LY75: variants seen among roughly 807,000 people sequenced by gnomAD.
LY75 encodes lymphocyte antigen 75.
LY75 carries 185 observed loss-of-function variants against 231.7 expected under a neutral mutation model. That is an observed-to-expected ratio of 0.80 (90% CI 0.71 to 0.90). LY75 has a LOEUF of 0.90. Among genes scored for constraint, LY75 ranks in the 40% least tolerant of loss-of-function variants. The pLI is 0.00. For missense variants in LY75, 1,947 were observed against 2,050.2 expected (o/e 0.95, Z 0.97); for synonymous variants, 668 against 689.0 (o/e 0.97, Z 0.48).
rs776358237 is a variant in LY75 at position 159,817,005 on chromosome 2, G to A, written c.4181C>T (p.Thr1394Ile). The A allele has an allele frequency of 1.1e-5, 18 of 1,613,484 alleles. No homozygotes were observed. The highest frequency in any genetic ancestry group is 1.0e-4 in the Admixed American group (6 of 59,958). ...TTCATATGGCATAAACTGTGGCAGT[G>A]TAGTATTATATTCTTCTTTGTAGTC... Reference protein sequence around the residue: ...MVDYKEEYNTTLPQFMPYEDG... With the variant: ...MVDYKEEYNTILPQFMPYEDG... Residue 1394 changes from threonine (T) to isoleucine (I), a missense_variant, in exon 30 of 35, where the codon ACA (threonine) becomes ATA (isoleucine). By Grantham distance (89) the Thr-to-Ile change is moderately conservative (BLOSUM62 -1). Coordinates refer to ENST00000263636, the MANE Select transcript of LY75 (RefSeq NM_002349.4).
chr2:159,851,286 C>T (rs1684392611), intron 21 of LY75, among the ~76,000 whole-genome samples: 1 of 152,120 alleles, frequency 6.6e-6, no homozygotes, highest in African/African-American at 2.4e-5. Context: ...CCCTTTTTCA[C>T]ATTATGATCA....
intron 29 of LY75, among the ~76,000 whole-genome samples, chr2:159,817,860 C>A (rs1377143358): frequency 6.6e-6 from 1 of 152,006 alleles, no homozygotes; most frequent in Non-Finnish European, 1.5e-5. Context: ...CCATCCTGGC[C>A]AACATGGTGA....
intron 12 of LY75, 103 bp downstream of exon 12, chr2:159,875,341 G>A: frequency 6.8e-7 from 1 of 1,462,122 alleles, no homozygotes; most frequent in Non-Finnish European, 9.2e-7. Context: ...ACTTTAGTTA[G>A]GTTACATAGT....
In LY75 at chr2:159,875,579, G is replaced by A. The variant is rs185280343; in HGVS notation, c.1839C>T (p.Asp613=). The change falls in exon 12 of 35, where the codon GAC becomes GAT. Residue 613 remains aspartate, a synonymous_variant. Coordinates refer to ENST00000263636, the MANE Select transcript of LY75 (RefSeq NM_002349.4). The part of the protein sequence containing the change: ...GKSVGKWEVK[D]CRSFKALSIC... ...TTGAAAGTGCTTTGAAGCTTCTGCA[G>A]TCCTTCACCTCCCACTTTCCAACAG... 7.4e-6 allele frequency: 12 copies of A among 1,614,062 alleles called. No homozygotes were observed. The African/African-American group carries it at 1.6e-4, about 22-fold the overall frequency.
chr2:159,895,911 C>A lies in LY75; in HGVS notation c.467-1827G>T, dbSNP rs555628944. 6.6e-5 allele frequency among the ~76,000 whole-genome samples: 10 copies of A among 152,324 alleles called. No individual in the cohort carries two copies. The South Asian group carries it at 2.1e-3, about 32-fold the overall frequency. ...TTTGCTGATGCTGGCCTCTTACACA[C>A]CATGGGCTTCCTTAGCAAGACAGAC... On this transcript the variant is annotated intron_variant, in intron 2 of 34. Transcript: ENST00000263636.
At chr2:159,856,121 TA>T (rs1453541747) in intron 16 of LY75, among the ~76,000 whole-genome samples, 1 of 152,178 alleles carries the variant, frequency 6.6e-6, no homozygotes, top group African/African-American at 2.4e-5. Context: ...ATCTTTAAAT[TA>T]GTGAGAAAAG....
In LY75 at chr2:159,806,991, C is replaced by T; in HGVS notation, c.4972G>A (p.Val1658Ile). The change falls in exon 34 of 35, where the codon GTC (valine) becomes ATC (isoleucine). Residue 1658 changes from valine (V) to isoleucine (I), a missense_variant. By Grantham distance (29) the Val-to-Ile change is conservative. Coordinates refer to ENST00000263636, the MANE Select transcript of LY75 (RefSeq NM_002349.4). ...VECEHGFGRVVCKVPLGPDYT... is the reference protein window; with the variant it reads ...VECEHGFGRVICKVPLGPDYT... ...TACTTACCCAGAGGCACTTTGCAGA[C>T]AACTCTTCCAAAACCATGTTCACAT... 3.1e-6 allele frequency: 5 copies of T among 1,613,274 alleles called. No homozygotes were observed. The highest frequency in any genetic ancestry group is 4.2e-6 in the Non-Finnish European group (5 of 1,179,530).
chr2:159,834,262 A>G, intron 26 of LY75, 51 bp from the exon 27 acceptor site: 1 of 1,605,350 alleles, frequency 6.2e-7, no homozygotes, highest in African/African-American at 1.3e-5. Context: ...TAAATGTTAA[A>G]TCCTGTTTGC....
intron 18 of LY75, among the ~76,000 whole-genome samples, chr2:159,853,932 T>C: frequency 6.6e-6 from 1 of 152,214 alleles, no homozygotes; most frequent in East Asian, 1.9e-4. Flanking sequence ...TATGGGCATA[T>C]ATTAATTAGA....
chr2:159,815,790 C>T (rs754493661), intron 30 of LY75, among the ~76,000 whole-genome samples: 4 of 152,190 alleles, frequency 2.6e-5, no homozygotes, highest in Non-Finnish European at 5.9e-5. Flanking sequence ...GAACTTTAAA[C>T]TTACAGACAG....
At chr2:159,822,655 C>T (rs1683331860) in intron 28 of LY75, among the ~76,000 whole-genome samples, 1 of 152,176 alleles carries the variant, frequency 6.6e-6, no homozygotes, top group South Asian at 2.1e-4. Flanking sequence ...GGGTCTCTGA[C>T]CCCCAGGTAT....
chr2:159,843,964 A>T (rs990973142), intron 23 of LY75, among the ~76,000 whole-genome samples: 4 of 152,122 alleles, frequency 2.6e-5, no homozygotes, highest in African/African-American at 4.8e-5. Flanking sequence ...AATAATTAAA[A>T]TTTTTTAAAA....
At chr2:159,879,528 G>T in intron 8 of LY75, 159 bp from the exon 9 acceptor site, 1 of 563,936 alleles carries the variant, frequency 1.8e-6, no homozygotes, top group Non-Finnish European at 2.2e-6. Context: ...TACTCAACAG[G>T]CCTGCAAAGT....
intron 28 of LY75, among the ~76,000 whole-genome samples, chr2:159,828,012 G>A (rs1000131547): frequency 2.0e-5 from 3 of 151,854 alleles, no homozygotes; most frequent in Non-Finnish European, 4.4e-5. Flanking sequence ...CGTAGGTGAC[G>A]GGTTGATGGG....
rs751189506 is a variant in LY75, at chr2:159,904,702, T to G, written c.-20A>C. On this transcript the variant is annotated 5_prime_UTR_variant, in exon 1 of 35. Transcript: ENST00000263636. ...CCTCATCCTGAGCTGGCGCAAGCCT[T>G]CCGGCCGGGTCCTCGGGCGCACGCG... The G allele has an allele frequency of 1.4e-6, 2 of 1,408,382 alleles. No individual in the cohort carries two copies. The highest frequency in any genetic ancestry group is 3.0e-5 in the South Asian group (2 of 66,360). The allele number at this position is 1,408,382 out of a possible 1,614,324, so 87.2% of individuals were successfully genotyped here.
In LY75 at chr2:159,835,592, C is replaced by A; in HGVS notation, c.3561G>T (p.Trp1187Cys). 6.2e-7 allele frequency: 1 copy of A among 1,613,660 alleles called. No homozygotes were observed. The highest frequency in any genetic ancestry group is 8.5e-7 in the Non-Finnish European group (1 of 1,179,838). Residue 1187 changes from tryptophan (W) to cysteine (C), a missense_variant, in exon 26 of 35, where the codon TGG becomes TGT. By Grantham distance (215) the Trp-to-Cys change is radical. Coordinates refer to ENST00000263636, the MANE Select transcript of LY75 (RefSeq NM_002349.4). ...SDGKRLHFSR[W>C]AETNGQLEDC... The stretch of plus-strand genomic sequence containing the variant: ...CTTCGAGTTGCCCATTAGTTTCAGC[C>A]CAGCGACTAAAATGAAGACGTTTCC...
intron 4 of LY75, among the ~76,000 whole-genome samples, chr2:159,886,883 T>A (rs534180337): frequency 6.6e-6 from 1 of 152,206 alleles, no homozygotes; most frequent in African/African-American, 2.4e-5. Flanking sequence ...CCATTGTACT[T>A]CTAGATTCAG....
At chr2:159,888,801 C>G (rs1053961739) in intron 4 of LY75, among the ~76,000 whole-genome samples, 5 of 152,164 alleles carry the variant, frequency 3.3e-5, no homozygotes, top group Admixed American at 3.3e-4. Flanking sequence ...GTCAAACTGA[C>G]TCTTCAAATT....
chr2:159,825,857 T>G (rs2125837285), intron 28 of LY75, among the ~76,000 whole-genome samples: 1 of 152,138 alleles, frequency 6.6e-6, no homozygotes, highest in East Asian at 1.9e-4. Flanking sequence ...ATGACAAAAA[T>G]TACATGATTA....
Sources: allele counts gnomAD v4.1 joint callset (sites outside exome capture counted in the v4.1 genomes callset), GRCh38; gene constraint gnomAD v4.1.1; transcripts MANE v1.5; gene names NCBI Gene and HGNC (gene_info 2026-07-23, HGNC 2026-07-21).